Variants in FMN2 observed in about 807,000 individuals in gnomAD.
The protein encoded by FMN2 is formin 2.
A neutral mutation model predicts 142.3 loss-of-function variants in FMN2; 51 were observed. The observed-to-expected ratio is 0.36, with a 90% CI of 0.29 to 0.45. The LOEUF (loss-of-function observed/expected upper bound fraction) is 0.45. Ranked by LOEUF, FMN2 falls within the 20% of genes least tolerant of loss-of-function variation. The pLI is 1.00. For missense variants in FMN2, 1,936 were observed against 2,122.8 expected, an observed-to-expected ratio of 0.91 and a Z score of 1.73; for synonymous variants, 882 against 869.8, an observed-to-expected ratio of 1.01 and a Z score of -0.25.
Position 240,092,964 on chromosome 1 carries a change from C to T in FMN2, c.855C>T (p.Ala285=). ...ALSDLPESLA[A]EPREPQQPPS... ...CCGACCTGCCCGAGAGCCTGGCCGC[C>T]GAGCCCCGGGAGCCCCAGCAACCGC... is the stretch of plus-strand genomic sequence containing the variant. Residue 285 remains alanine, a synonymous_variant, in exon 1 of 18, where the codon GCC becomes GCT. Coordinates refer to ENST00000319653, the MANE Select transcript of FMN2 (RefSeq NM_020066.5). The T allele has an allele frequency of 7.1e-7, 1 of 1,413,166 alleles. No individual in the cohort carries two copies. Among genetic ancestry groups the T allele is most frequent in the East Asian group, 2.9e-5 (1 of 34,606 alleles). The allele number at this position is 1,413,166 out of a possible 1,614,324, so 87.5% of individuals were successfully genotyped here.
chr1:240,386,187 G>A (rs1673400478), intron 14 of FMN2, among the ~76,000 whole-genome samples: 1 of 152,134 alleles, frequency 6.6e-6, no homozygotes, highest in Non-Finnish European at 1.5e-5. Context: ...AAGGAAGAGT[G>A]TGTCAAAAAT....
At chr1:240,107,142 C>A (rs1216006627) in intron 1 of FMN2, among the ~76,000 whole-genome samples, 1 of 151,912 alleles carries the variant, frequency 6.6e-6, no homozygotes, top group Non-Finnish European at 1.5e-5. Flanking sequence ...TGATTCAAGT[C>A]AGCATAAGGG....
In FMN2 at chr1:240,473,254, G is replaced by A. The variant is rs971704422; in HGVS notation, c.5142+801G>A. 4.6e-5 allele frequency among the ~76,000 whole-genome samples: 7 copies of A among 152,058 alleles called. No individual in the cohort carries two copies. The highest frequency in any genetic ancestry group is 1.2e-4 in the African/African-American group (5 of 41,402). On this transcript the variant is annotated intron_variant, in intron 17 of 17. Transcript: ENST00000319653. The surrounding 1 kb of genome is among the most constrained non-coding windows in gnomAD (Gnocchi z 4.3). ...GCCGGAGAGTGGTCAGTCCAGAGAC[G>A]GAGTTTAACAAGCTCATTTAAGTTT... is the stretch of plus-strand genomic sequence containing the variant.
intron 8 of FMN2, among the ~76,000 whole-genome samples, chr1:240,305,508 A>T (rs1670355487): frequency 6.6e-6 from 1 of 152,236 alleles, no homozygotes; most frequent in Admixed American, 6.5e-5. Context: ...AAAGTTAAAA[A>T]TAAAACTGTG....
intron 16 of FMN2, among the ~76,000 whole-genome samples, chr1:240,471,056 G>T (rs1405037243): frequency 6.6e-6 from 1 of 152,166 alleles, no homozygotes; most frequent in South Asian, 2.1e-4. Flanking sequence ...AACATTACCG[G>T]TGTCAAATAG....
chr1:240,211,045 A>C (rs767913944), intron 5 of FMN2, 46 bp from the exon 6 acceptor site: 1 of 1,562,722 alleles, frequency 6.4e-7, no homozygotes, highest in Non-Finnish European at 8.7e-7. Flanking sequence ...GCTGTGATGT[A>C]AGTTCAGTTT....
chr1:240,319,968 A>G (rs1670915667), intron 8 of FMN2, among the ~76,000 whole-genome samples: 1 of 152,168 alleles, frequency 6.6e-6, no homozygotes, highest in Admixed American at 6.5e-5. Flanking sequence ...TGCAGAAGGT[A>G]TATGAGTCTA....
intron 14 of FMN2, among the ~76,000 whole-genome samples, chr1:240,361,495 A>G (rs1672480917): frequency 6.6e-6 from 1 of 152,174 alleles, no homozygotes; most frequent in Non-Finnish European, 1.5e-5. Context: ...CTGAAGAGAG[A>G]ATAGCAGTGA....
At chr1:240,349,592 C>T (rs958564171) in intron 13 of FMN2, among the ~76,000 whole-genome samples, 2 of 152,096 alleles carry the variant, frequency 1.3e-5, no homozygotes, top group Admixed American at 6.6e-5. Flanking sequence ...CTGGTGTTTG[C>T]CCCACAACGT....
chr1:240,355,756 A>C (rs78943629), intron 13 of FMN2, 60 bp from the exon 14 acceptor site: 13,043 of 1,177,844 alleles, frequency 0.011, 221 homozygotes, highest in African/African-American at 0.058. Context: ...ATGTTTTCAA[A>C]ATTGCCTTAA....
intron 7 of FMN2, among the ~76,000 whole-genome samples, chr1:240,274,345 C>A (rs1453483913): frequency 6.6e-6 from 1 of 151,840 alleles, no homozygotes; most frequent in Admixed American, 6.6e-5. Flanking sequence ...TTGTAAATAT[C>A]TGAGGAAAGA....
chr1:240,419,258 T>TA (rs145302369), intron 15 of FMN2, among the ~76,000 whole-genome samples: 3,944 of 152,312 alleles, frequency 0.026, 175 homozygotes, highest in African/African-American at 0.089. Context: ...CTGGTTAACC[T>TA]AATCTTGTTT....
At chr1:240,271,098 G>GCTTTTTTTT (rs1233218686) in intron 7 of FMN2, among the ~76,000 whole-genome samples, 6 of 72,232 alleles carry the variant, frequency 8.3e-5, no homozygotes, top group African/African-American at 2.0e-4. Context: ...TTCCACGATG[G>GCTTTTTTTT]TTTTTTTTTT....
At chr1:240,122,580 G>A (rs1387148932) in intron 1 of FMN2, among the ~76,000 whole-genome samples, 1 of 152,114 alleles carries the variant, frequency 6.6e-6, no homozygotes, top group Admixed American at 6.6e-5. Flanking sequence ...ACCATGTCTG[G>A]CCTTGGATCC....
intron 16 of FMN2, among the ~76,000 whole-genome samples, chr1:240,465,751 G>A (rs1676599728): frequency 6.6e-6 from 1 of 152,188 alleles, no homozygotes; most frequent in Non-Finnish European, 1.5e-5. Flanking sequence ...TCATTCGATT[G>A]AATGATGAAA....
intron 2 of FMN2, among the ~76,000 whole-genome samples, chr1:240,133,936 G>C (rs1558312236): frequency 1.3e-5 from 2 of 152,172 alleles, no homozygotes; most frequent in Non-Finnish European, 2.9e-5. Context: ...AGAGTAGTTA[G>C]GAGTGGTCTC....
intron 6 of FMN2, among the ~76,000 whole-genome samples, chr1:240,238,298 TAG>T (rs1479516077): frequency 6.6e-6 from 1 of 152,218 alleles, no homozygotes; most frequent in African/African-American, 2.4e-5. Context: ...AGATATTCAA[TAG>T]AGATATTTAT....
At chr1:240,258,923 G>C (rs1459319856) in intron 7 of FMN2, among the ~76,000 whole-genome samples, 1 of 152,150 alleles carries the variant, frequency 6.6e-6, no homozygotes, top group Non-Finnish European at 1.5e-5. Flanking sequence ...AATCACAAAA[G>C]CATTTAACTG....
intron 2 of FMN2, among the ~76,000 whole-genome samples, chr1:240,147,930 G>C (rs1663557671): frequency 6.6e-6 from 1 of 152,210 alleles, no homozygotes; most frequent in African/African-American, 2.4e-5. Flanking sequence ...ATTCGGGAAA[G>C]TCTTGCTCTA....
Sources: gnomAD v4.1 joint callset for allele counts (sites outside exome capture counted in the v4.1 genomes callset) on GRCh38, gnomAD v4.1.1 for gene constraint, Gnocchi (gnomAD v3.1) non-coding constraint, MANE v1.5 for transcripts, NCBI Gene and HGNC (gene_info 2026-07-23, HGNC 2026-07-21) for gene names.